The following CDC7 variants were observed in gnomAD, a reference collection of about 807,000 sequenced individuals.
The protein encoded by CDC7 is cell division cycle 7.
A neutral mutation model predicts 53.5 loss-of-function variants in CDC7; 34 were observed. The ratio of observed to expected loss-of-function variants is 0.64; its 90% CI spans 0.48 to 0.85. The LOEUF is 0.85. Ranked by LOEUF, CDC7 falls within the 40% of genes least tolerant of loss-of-function variation. CDC7 has a pLI of 0.00. For synonymous variants in CDC7, 211 were observed against 222.8 expected (o/e 0.95, Z 0.47); for missense variants, 594 against 679.7 (o/e 0.87, Z 1.40).
At chr1:91,514,706 C>G in intron 8 of CDC7, 113 bp from the exon 9 acceptor site, 1 of 713,896 alleles carries the variant, frequency 1.4e-6, no homozygotes. Flanking sequence ...AGTCCAATAG[C>G]CATTCAGCAG....
At chr1:91,516,227 T>C (rs1243143552) in intron 10 of CDC7, among the ~76,000 whole-genome samples, 1 of 152,102 alleles carries the variant, frequency 6.6e-6, no homozygotes, top group African/African-American at 2.4e-5. Flanking sequence ...TTAATAGTTT[T>C]TGCCAGCCAA....
Position 91,514,841 on chromosome 1 carries a change from T to G in CDC7, c.941T>G (p.Val314Gly), listed in dbSNP as rs1557595570. The change falls in exon 9 of 12, where the codon GTG becomes GGG. Residue 314 changes from valine to glycine, a missense_variant. Val to Gly is a moderately radical substitution (Grantham distance 109). Coordinates refer to ENST00000234626, the MANE Select transcript of CDC7 (RefSeq NM_003503.4). ...AVKLMKQSKT[V>G]DVLSRKLATK... ...CAGCTCATGAAGCAGTCAAAGACTG[T>G]GGATGTACTGTCTAGAAAGTTAGCA... 2 of 1,611,066 alleles carry G rather than the reference T, an allele frequency of 1.2e-6. No individual in the cohort carries two copies. The highest frequency in any genetic ancestry group is 1.7e-6 in the Non-Finnish European group (2 of 1,178,606).
At chr1:91,523,506 G>T (rs1287113834) in intron 11 of CDC7, among the ~76,000 whole-genome samples, 1 of 152,136 alleles carries the variant, frequency 6.6e-6, no homozygotes, top group Non-Finnish European at 1.5e-5. Context: ...GATAGCAAAA[G>T]TAATAGTAGA....
intron 9 of CDC7, 117 bp downstream of exon 9, chr1:91,515,114 G>A (rs1036986128): frequency 4.4e-6 from 3 of 689,610 alleles, no homozygotes; most frequent in Non-Finnish European, 7.3e-6. Context: ...GAACTGCAAT[G>A]GGCCTTGATG....
chr1:91,509,298 GC>G (rs1667143808), intron 4 of CDC7, among the ~76,000 whole-genome samples: 1 of 148,624 alleles, frequency 6.7e-6, no homozygotes, highest in African/African-American at 2.5e-5. Context: ...ATATCCACCT[GC>G]CTATTTAACA....
At chr1:91,522,681 C>G (rs1195782716) in intron 11 of CDC7, among the ~76,000 whole-genome samples, 1 of 152,030 alleles carries the variant, frequency 6.6e-6, no homozygotes, top group Non-Finnish European at 1.5e-5. Flanking sequence ...TGAATATTCC[C>G]CCCTGGCTAT....
intron 2 of CDC7, among the ~76,000 whole-genome samples, chr1:91,506,938 A>G (rs1667026696): frequency 6.6e-6 from 1 of 152,220 alleles, no homozygotes; most frequent in Non-Finnish European, 1.5e-5. Context: ...CAACAGAGTG[A>G]GACTCCATCT....
chr1:91,510,294 T>A (rs1348740016), intron 4 of CDC7, among the ~76,000 whole-genome samples: 1 of 152,144 alleles, frequency 6.6e-6, no homozygotes, highest in Non-Finnish European at 1.5e-5. Flanking sequence ...TATTTTTTTT[T>A]ATTGTCATAG....
In CDC7 at chr1:91,508,971, C is replaced by G. The variant is rs530080259; in HGVS notation, c.335+574C>G. Among the ~76,000 whole-genome samples the G allele has an allele frequency of 3.3e-5, 5 of 152,230 alleles. No homozygotes were observed. The East Asian group carries it at 5.8e-4, about 18-fold the overall frequency. On this transcript the variant is annotated intron_variant, in intron 4 of 11. Coordinates refer to ENST00000234626, the MANE Select transcript of CDC7 (RefSeq NM_003503.4). ...TCACTAAATACCTATTGCGGCTGTT[C>G]TTCTCTATGCTAAACTGGAAACTAT...
chr1:91,501,793 G>C lies in CDC7; in HGVS notation c.77G>C (p.Gly26Ala), dbSNP rs747527444. Reference protein sequence around the residue: ...SPQRDRFQAEGSLKKNEQNFK... With the variant: ...SPQRDRFQAEASLKKNEQNFK... ...CAGCGTGACCGGTTTCAGGCTGAAG[G>C]CTCTTTAAAAAAAAACGAGCAGAAT... The change falls in exon 2 of 12, where the codon GGC becomes GCC. Residue 26 changes from glycine to alanine, a missense_variant. Gly to Ala is a moderately conservative substitution (Grantham distance 60, BLOSUM62 0). Coordinates refer to ENST00000234626, the MANE Select transcript of CDC7 (RefSeq NM_003503.4). The C allele has an allele frequency of 4.3e-6, 7 of 1,613,930 alleles. No individual in the cohort carries two copies. Among genetic ancestry groups the C allele is most frequent in the Non-Finnish European group, 5.9e-6 (7 of 1,179,952 alleles).
Position 91,511,797 on chromosome 1 carries a change from T to C in CDC7, c.446T>C (p.Leu149Pro), listed in dbSNP as rs772341414. The C allele has an allele frequency of 6.2e-6, 10 of 1,605,060 alleles. No individual in the cohort carries two copies. The highest frequency in any genetic ancestry group is 8.5e-6 in the Non-Finnish European group (10 of 1,173,602). ...TTGTTTTAGGACATTCTGAATTCTC[T>C]TTCCTTTCAAGAAGTACGGGAATAT... is the stretch of plus-strand genomic sequence containing the variant. Reference protein sequence around the residue: ...HESFLDILNSLSFQEVREYML... With the variant: ...HESFLDILNSPSFQEVREYML... Residue 149 changes from leucine to proline, a missense_variant, in exon 6 of 12, where the codon CTT becomes CCT. Coordinates refer to ENST00000234626, the MANE Select transcript of CDC7 (RefSeq NM_003503.4).
At chr1:91,517,249 G>A (rs761549392) in intron 10 of CDC7, among the ~76,000 whole-genome samples, 1 of 152,298 alleles carries the variant, frequency 6.6e-6, no homozygotes, top group East Asian at 1.9e-4. Flanking sequence ...TCTGGCAGGC[G>A]TGCAAACAGA....
intron 10 of CDC7, among the ~76,000 whole-genome samples, chr1:91,519,256 CAAAAAAAAAAAAAAAAA>C (rs71087957): frequency 1.7e-5 from 1 of 60,172 alleles, no homozygotes; most frequent in Non-Finnish European, 3.5e-5. Flanking sequence ...ACTAAAAATA[CAAAAAAAAAAAAAAAAA>C]AAAAAAAAAG....
At position 91,524,425 on chromosome 1, in the gene CDC7, T is replaced by A. The variant is rs142401032; in HGVS notation, c.1715T>A (p.Met572Lys). 24 of 1,602,882 alleles carry A rather than the reference T, an allele frequency of 1.5e-5. No homozygotes were observed. Among genetic ancestry groups the A allele is most frequent in the Non-Finnish European group, 1.8e-5 (21 of 1,177,522 alleles). Residue 572 changes from methionine to lysine, a missense_variant, in exon 12 of 12, where the codon ATG becomes AAG. By Grantham distance (95) the Met-to-Lys change is moderately conservative (BLOSUM62 -1). Coordinates refer to ENST00000234626, the MANE Select transcript of CDC7 (RefSeq NM_003503.4). ...TTGTTGCATCCATTTTTTAAAGATA[T>A]GAGCTTGTGATAATGGATCTTCATT... is the stretch of plus-strand genomic sequence containing the variant. ...EALLHPFFKD[M>K]SL
At chr1:91,519,468 AAC>A (rs1203788880) in intron 10 of CDC7, among the ~76,000 whole-genome samples, 3 of 151,952 alleles carry the variant, frequency 2.0e-5, no homozygotes, top group African/African-American at 7.2e-5. Flanking sequence ...GATTGTTCGT[AAC>A]ACAAAGGATA....
At chr1:91,510,240 A>G (rs1000563132) in intron 4 of CDC7, among the ~76,000 whole-genome samples, 2 of 151,820 alleles carry the variant, frequency 1.3e-5, no homozygotes, top group African/African-American at 4.8e-5. Flanking sequence ...AAAAAGAGTG[A>G]CATTGCTTGA....
Position 91,507,913 on chromosome 1 carries a change from A to G in CDC7, c.175A>G (p.Lys59Glu). 6.4e-7 allele frequency: 1 copy of G among 1,557,090 alleles called. No homozygotes were observed. The highest frequency in any genetic ancestry group is 2.3e-5 in the East Asian group (1 of 43,212). Residue 59 changes from lysine (K) to glutamate (E), a missense_variant, in exon 3 of 12, where the codon AAG becomes GAG. Transcript: ENST00000234626. ...TGTACCACAGCTTAGTAATGTGTTT[A>G]AGATTGAGGACAAAATTGGAGAAGG... ...EAVPQLSNVFKIEDKIGEGTF... is the reference protein window; with the variant it reads ...EAVPQLSNVFEIEDKIGEGTF...
intron 2 of CDC7, 84 bp downstream of exon 2, chr1:91,501,915 G>C (rs1666712205): frequency 1.0e-6 from 1 of 969,194 alleles, no homozygotes; most frequent in Non-Finnish European, 1.6e-6. Context: ...CAAAAAATAA[G>C]ATTGAATCTT....
At chr1:91,505,502 A>G (rs1023316105) in intron 2 of CDC7, among the ~76,000 whole-genome samples, 1 of 152,210 alleles carries the variant, frequency 6.6e-6, no homozygotes, top group Admixed American at 6.5e-5. Flanking sequence ...ACCAACTTGG[A>G]TATATTATGC....
Sources: allele counts gnomAD v4.1 joint callset (sites outside exome capture counted in the v4.1 genomes callset), GRCh38; gene constraint gnomAD v4.1.1; transcripts MANE v1.5; gene names NCBI Gene and HGNC (gene_info 2026-07-23, HGNC 2026-07-21).